Variants in ENOX1 observed in about 807,000 individuals in gnomAD.
The protein encoded by ENOX1 is candidate growth-related and time keeping constitutive hydroquinone (NADH) oxidase.
In ENOX1, 42 loss-of-function variants were observed where a neutral mutation model predicts 82.5. That is an observed-to-expected ratio of 0.51 (90% CI 0.40 to 0.66). The LOEUF (loss-of-function observed/expected upper bound fraction) is 0.66. ENOX1 is among the 30% of genes least tolerant of loss of function. The probability of loss-of-function intolerance (pLI) is 0.00; values close to 1 mark genes in which losing one functional copy is unlikely to be tolerated. For synonymous variants in ENOX1, 271 were observed against 282.2 expected (o/e 0.96, Z 0.40); for missense variants, 608 against 811.6 (o/e 0.75, Z 3.05).
intron 2 of ENOX1, among the ~76,000 whole-genome samples, chr13:43,537,009 G>C (rs1305429260): frequency 6.6e-6 from 1 of 152,218 alleles, no homozygotes; most frequent in African/African-American, 2.4e-5. Context: ...AATGATGTCA[G>C]AAAAATGAAG....
At chr13:43,676,049 T>G (rs1398490298) in intron 1 of ENOX1, among the ~76,000 whole-genome samples, 1 of 152,228 alleles carries the variant, frequency 6.6e-6, no homozygotes, top group African/African-American at 2.4e-5. Flanking sequence ...AGGCATCTAC[T>G]GCACAAGCTC....
chr13:43,574,078 G>A (rs1406151270), intron 2 of ENOX1, among the ~76,000 whole-genome samples: 2 of 152,086 alleles, frequency 1.3e-5, no homozygotes, highest in Admixed American at 6.6e-5. Context: ...TGGATGACTA[G>A]AACAGAAAAT....
chr13:43,381,517 T>G (rs1594240872), intron 5 of ENOX1, among the ~76,000 whole-genome samples: 1 of 133,718 alleles, frequency 7.5e-6, no homozygotes, highest in African/African-American at 2.7e-5. Flanking sequence ...GAGCCTGAAA[T>G]AAGCAGAAAA....
rs1005042152 is a variant in ENOX1, at chr13:43,213,899, C to T, written c.*91G>A. The T allele has an allele frequency of 6.8e-6, 10 of 1,475,172 alleles. No homozygotes were observed. Among genetic ancestry groups the T allele is most frequent in the Middle Eastern group, 1.8e-4 (1 of 5,592 alleles). 91.4% of individuals were successfully genotyped at this position (1,475,172 alleles called of 1,614,324 possible). ...TCGATGGCTCCACAAAGGTTGCGTG[C>T]TGGACCAACCCCACACCTCCTGCTT... On this transcript the variant is annotated 3_prime_UTR_variant, in exon 17 of 17. Transcript: ENST00000690772.
intron 1 of ENOX1, among the ~76,000 whole-genome samples, chr13:43,706,988 C>T (rs2087338020): frequency 6.6e-6 from 1 of 151,982 alleles, no homozygotes; most frequent in Admixed American, 6.6e-5. Context: ...ACCCAGACAA[C>T]ATGGTTGCTT....
At chr13:43,543,296 T>C (rs1229413824) in intron 2 of ENOX1, among the ~76,000 whole-genome samples, 2 of 152,214 alleles carry the variant, frequency 1.3e-5, no homozygotes, top group Non-Finnish European at 2.9e-5. Context: ...CCAAACATCA[T>C]GTTTTGAGCT....
chr13:43,318,641 G>T (rs114265796), intron 11 of ENOX1, among the ~76,000 whole-genome samples: 2 of 152,306 alleles, frequency 1.3e-5, no homozygotes, highest in Admixed American at 6.5e-5. Flanking sequence ...TGGGACAAAG[G>T]CATCGAAAAC....
intron 2 of ENOX1, among the ~76,000 whole-genome samples, chr13:43,535,362 C>A (rs1274484566): frequency 6.6e-6 from 1 of 152,174 alleles, no homozygotes; most frequent in Non-Finnish European, 1.5e-5. Context: ...TATGAGAAGA[C>A]CTATCTGACT....
At chr13:43,587,397 A>C (rs1415471164) in intron 2 of ENOX1, among the ~76,000 whole-genome samples, 1 of 152,230 alleles carries the variant, frequency 6.6e-6, no homozygotes, top group Non-Finnish European at 1.5e-5. Flanking sequence ...CATAGACCTT[A>C]TCAATGGTGA....
chr13:43,227,126 T>G lies in ENOX1; in HGVS notation c.1715-2988A>C, dbSNP rs1008457196. Among the ~76,000 whole-genome samples the G allele has an allele frequency of 2.6e-5, 4 of 152,026 alleles. No homozygotes were observed. In the East Asian group the frequency reaches 5.8e-4, roughly 22 times the overall value. ...ATGAATAGAACAAGTCAGAGGAGGA[T>G]GGGGTGGGTTGGGGGAGAGGTTGAT... On this transcript the variant is annotated intron_variant, in intron 15 of 16. Transcript: ENST00000690772.
chr13:43,783,051 G>A (rs945981134), intron 1 of ENOX1, among the ~76,000 whole-genome samples: 1 of 152,156 alleles, frequency 6.6e-6, no homozygotes, highest in African/African-American at 2.4e-5. Flanking sequence ...TGTAATGAGT[G>A]ATTGATTAAT....
chr13:43,223,647 T>C (rs1056320721), intron 16 of ENOX1, among the ~76,000 whole-genome samples: 4 of 152,184 alleles, frequency 2.6e-5, no homozygotes, highest in African/African-American at 9.7e-5. Flanking sequence ...CTTTATATTA[T>C]TTGGGATGAT....
At chr13:43,486,419 A>G (rs1400153816) in intron 2 of ENOX1, among the ~76,000 whole-genome samples, 1 of 152,106 alleles carries the variant, frequency 6.6e-6, no homozygotes, top group Admixed American at 6.6e-5. Flanking sequence ...AAACAAAAAA[A>G]CCAACAACCA....
At chr13:43,755,442 T>G (rs1479370951) in intron 1 of ENOX1, among the ~76,000 whole-genome samples, 1 of 152,186 alleles carries the variant, frequency 6.6e-6, no homozygotes, top group Non-Finnish European at 1.5e-5. Flanking sequence ...GGGGCTCATG[T>G]ACCCGTGAAG....
intron 11 of ENOX1, among the ~76,000 whole-genome samples, chr13:43,307,714 A>G (rs933922796): frequency 3.3e-5 from 5 of 152,198 alleles, no homozygotes; most frequent in Admixed American, 2.6e-4. Context: ...CTCTCCAGGA[A>G]TGACACTGTG....
intron 2 of ENOX1, among the ~76,000 whole-genome samples, chr13:43,486,051 A>T (rs1391861136): frequency 6.6e-6 from 1 of 152,146 alleles, no homozygotes; most frequent in Non-Finnish European, 1.5e-5. Context: ...TCTACTAAAA[A>T]CACAAAAAAT....
At chr13:43,568,776 C>T (rs546718200) in intron 2 of ENOX1, among the ~76,000 whole-genome samples, 2 of 151,154 alleles carry the variant, frequency 1.3e-5, no homozygotes, top group African/African-American at 4.9e-5. Context: ...TATTTTCATC[C>T]CCACATTTGA....
At chr13:43,775,420 G>T (rs1951856911) in intron 1 of ENOX1, among the ~76,000 whole-genome samples, 1 of 152,124 alleles carries the variant, frequency 6.6e-6, no homozygotes, top group South Asian at 2.1e-4. Context: ...GGAATTACAG[G>T]TGTGAGTCAC....
intron 2 of ENOX1, among the ~76,000 whole-genome samples, chr13:43,513,619 T>C (rs1397540671): frequency 6.6e-6 from 1 of 152,182 alleles, no homozygotes; most frequent in African/African-American, 2.4e-5. Flanking sequence ...AAAGCAACTA[T>C]ATATCTATTC....
Sources: gnomAD v4.1 joint callset for allele counts (sites outside exome capture counted in the v4.1 genomes callset) on GRCh38, gnomAD v4.1.1 for gene constraint, MANE v1.5 for transcripts, NCBI Gene and HGNC (gene_info 2026-07-23, HGNC 2026-07-21) for gene names.